The following DAB1 variants were observed in gnomAD, a reference collection of about 807,000 sequenced individuals.
DAB1 encodes the protein disabled homolog 1.
In DAB1, 15 loss-of-function variants were observed where a neutral mutation model predicts 64.6. The ratio of observed to expected loss-of-function variants is 0.23; its 90% CI spans 0.16 to 0.36. The LOEUF (loss-of-function observed/expected upper bound fraction) is 0.36. Ranked by LOEUF, DAB1 falls within the 10% of genes least tolerant of loss-of-function variation. The pLI is 1.00. For synonymous variants in DAB1, 235 were observed against 251.9 expected (o/e 0.93, Z 0.64); for missense variants, 596 against 706.7 (o/e 0.84, Z 1.78).
At chr1:57,755,450 A>G (rs1017370553) in intron 6 of DAB1, among the ~76,000 whole-genome samples, 1 of 152,206 alleles carries the variant, frequency 6.6e-6, no homozygotes, top group East Asian at 1.9e-4. Flanking sequence ...TTATTGAGCC[A>G]TGGGATATGT....
intron 3 of DAB1, among the ~76,000 whole-genome samples, chr1:58,500,353 C>T (rs1045902629): frequency 6.6e-6 from 1 of 152,124 alleles, no homozygotes; most frequent in Non-Finnish European, 1.5e-5. Context: ...TGTTTGTGTA[C>T]ACTGGCCAAC....
intron 4 of DAB1, among the ~76,000 whole-genome samples, chr1:58,267,811 T>C (rs1213821174): frequency 1.3e-5 from 2 of 152,208 alleles, no homozygotes; most frequent in Non-Finnish European, 2.9e-5. Flanking sequence ...CTTCCATGCA[T>C]TAATATCTAT....
intron 6 of DAB1, among the ~76,000 whole-genome samples, chr1:57,811,130 A>G (rs186501091): frequency 7.3e-4 from 111 of 152,356 alleles, no homozygotes; most frequent in Admixed American, 1.0e-3. Flanking sequence ...AATCCAGGAT[A>G]ATCTTCCTAT....
chr1:58,180,041 GT>G (rs1368918706), intron 4 of DAB1, among the ~76,000 whole-genome samples: 3 of 151,942 alleles, frequency 2.0e-5, no homozygotes, highest in East Asian at 3.9e-4. Context: ...CTAGAGATGG[GT>G]TAAAGTATAT....
chr1:57,913,673 G>A (rs1351600683), intron 5 of DAB1, among the ~76,000 whole-genome samples: 1 of 152,012 alleles, frequency 6.6e-6, no homozygotes, highest in Non-Finnish European at 1.5e-5. Context: ...CAGAATGGGA[G>A]AAAATTTTTG....
chr1:58,477,760 C>T (rs75240381), intron 3 of DAB1, among the ~76,000 whole-genome samples: 10 of 152,126 alleles, frequency 6.6e-5, no homozygotes, highest in Admixed American at 6.5e-5. Context: ...ATATCATGAT[C>T]CCCTGGATTA....
At chr1:57,497,393 A>C (rs1352203159) in intron 7 of DAB1, among the ~76,000 whole-genome samples, 1 of 152,218 alleles carries the variant, frequency 6.6e-6, no homozygotes, top group Non-Finnish European at 1.5e-5. Context: ...CTCACTGAGA[A>C]CATTAGTTAA....
rs529127511 is a variant in DAB1 at position 58,414,666 on chromosome 1, G to A, written n.258-71263C>T. ...ACATAGCATTATAGAAGGACATATT[G>A]AGAAGCTTTTAGACCTTCCTTTAAT... On this transcript the variant is annotated intron_variant and non_coding_transcript_variant, in intron 3 of 20. Transcript: ENST00000485760. 5.3e-5 allele frequency among the ~76,000 whole-genome samples: 8 copies of A among 151,926 alleles called. No homozygotes were observed. The East Asian group carries it at 1.5e-3, about 29-fold the overall frequency.
chr1:57,887,951 T>C (rs1224277299), upstream of DAB1, among the ~76,000 whole-genome samples: 2 of 152,180 alleles, frequency 1.3e-5, no homozygotes, highest in African/African-American at 4.8e-5. Flanking sequence ...AATAGCCAAG[T>C]TGATGCACAT....
At chr1:57,322,450 C>G (rs1203397989) in intron 1 of DAB1, among the ~76,000 whole-genome samples, 3 of 152,162 alleles carry the variant, frequency 2.0e-5, no homozygotes, top group African/African-American at 7.2e-5. Context: ...ACACTCCATT[C>G]CCATGAAATC....
chr1:57,544,182 T>C (rs1233897693), intron 7 of DAB1, among the ~76,000 whole-genome samples: 1 of 152,160 alleles, frequency 6.6e-6, no homozygotes, highest in Non-Finnish European at 1.5e-5. Context: ...TGCATGAGAA[T>C]ATGCATTTAT....
intron 1 of DAB1, among the ~76,000 whole-genome samples, chr1:57,416,201 G>T (rs1235500169): frequency 6.6e-6 from 1 of 152,160 alleles, no homozygotes; most frequent in African/African-American, 2.4e-5. Context: ...GACAATAAGA[G>T]AAGAAAATGT....
intron 7 of DAB1, among the ~76,000 whole-genome samples, chr1:57,513,963 CT>C (rs1644434911): frequency 6.6e-6 from 1 of 152,168 alleles, no homozygotes; most frequent in African/African-American, 2.4e-5. Context: ...CTTTCTGTGC[CT>C]GGCTTATTTC....
At chr1:57,543,576 T>C (rs1320314512) in intron 7 of DAB1, among the ~76,000 whole-genome samples, 1 of 152,002 alleles carries the variant, frequency 6.6e-6, no homozygotes, top group Non-Finnish European at 1.5e-5. Context: ...TAATGTAAAA[T>C]AGAGTAAAAA....
intron 1 of DAB1, among the ~76,000 whole-genome samples, chr1:57,413,600 C>A (rs189452524): frequency 6.6e-6 from 1 of 151,536 alleles, no homozygotes; most frequent in Non-Finnish European, 1.5e-5. Flanking sequence ...AGAAATTAGC[C>A]GGGCATGGTG....
At chr1:57,487,741 A>G (rs889776213) in intron 7 of DAB1, among the ~76,000 whole-genome samples, 2 of 152,100 alleles carry the variant, frequency 1.3e-5, no homozygotes, top group African/African-American at 4.8e-5. Flanking sequence ...TTGTAGGTAC[A>G]CTCTATGATG....
At chr1:58,385,895 A>G (rs962751933) in intron 3 of DAB1, among the ~76,000 whole-genome samples, 1 of 152,214 alleles carries the variant, frequency 6.6e-6, no homozygotes, top group Non-Finnish European at 1.5e-5. Flanking sequence ...GATTCCTCGT[A>G]TGCCACCACC....
At chr1:58,086,351 CATT>C (rs1393353155) in intron 5 of DAB1, among the ~76,000 whole-genome samples, 1 of 152,138 alleles carries the variant, frequency 6.6e-6, no homozygotes, top group Non-Finnish European at 1.5e-5. Flanking sequence ...GACATACACA[CATT>C]GTTGTTTAAA....
At chr1:58,197,433 C>A (rs1200207967) in intron 4 of DAB1, among the ~76,000 whole-genome samples, 1 of 147,988 alleles carries the variant, frequency 6.8e-6, no homozygotes, top group Non-Finnish European at 1.5e-5. Context: ...CAGAGTCTTG[C>A]TCTGTCACCA....
Sources: gnomAD v4.1 joint callset for allele counts (sites outside exome capture counted in the v4.1 genomes callset) on GRCh38, gnomAD v4.1.1 for gene constraint, MANE v1.5 for transcripts, NCBI Gene and HGNC (gene_info 2026-07-23, HGNC 2026-07-21) for gene names.